TMEM132D: variants seen among roughly 807,000 people sequenced by gnomAD.
TMEM132D encodes the protein mature OL transmembrane protein.
TMEM132D carries 21 observed loss-of-function variants against 62.3 expected under a neutral mutation model. That is an observed-to-expected ratio of 0.34 (90% CI 0.24 to 0.49). The LOEUF (loss-of-function observed/expected upper bound fraction) is 0.49, where lower values mean the gene tolerates loss of function less well. Ranked by LOEUF, TMEM132D falls within the 20% of genes least tolerant of loss-of-function variation. The pLI, the probability that TMEM132D is intolerant of heterozygous loss-of-function variation, is 0.99. For synonymous variants in TMEM132D, 621 were observed against 575.6 expected (o/e 1.08, Z -1.13); for missense variants, 1,346 against 1,402.8 (o/e 0.96, Z 0.65).
At chr12:129,562,872 C>G (rs1244180332) in intron 2 of TMEM132D, among the ~76,000 whole-genome samples, 3 of 152,200 alleles carry the variant, frequency 2.0e-5, no homozygotes, top group African/African-American at 4.8e-5. Context: ...CTTGGGAAGA[C>G]TTCTCTGATT....
intron 2 of TMEM132D, among the ~76,000 whole-genome samples, chr12:129,684,691 A>G (rs1209427207): frequency 6.6e-6 from 1 of 152,048 alleles, no homozygotes; most frequent in Non-Finnish European, 1.5e-5. Flanking sequence ...AAAGAGTTGG[A>G]GGGCTCAGAA....
intron 3 of TMEM132D, among the ~76,000 whole-genome samples, chr12:129,513,851 T>TATTTATTTA (rs1426204608): frequency 1.4e-5 from 2 of 141,726 alleles, no homozygotes; most frequent in African/African-American, 2.6e-5. Context: ...TTTATTTATT[T>TATTTATTTA]TTTTGAGACG....
chr12:129,520,945 A>G (rs1875830318), intron 3 of TMEM132D, among the ~76,000 whole-genome samples: 1 of 152,210 alleles, frequency 6.6e-6, no homozygotes, highest in South Asian at 2.1e-4. Flanking sequence ...ACATTCAGCA[A>G]GTTTCCCAGA....
intron 4 of TMEM132D, among the ~76,000 whole-genome samples, chr12:129,227,292 C>T (rs1409642564): frequency 2.4e-5 from 2 of 84,268 alleles, no homozygotes; most frequent in East Asian, 1.1e-3. Context: ...ATCTGTCCTG[C>T]GTTAGGAAAT....
chr12:129,243,854 T>C (rs1448432905), intron 4 of TMEM132D, among the ~76,000 whole-genome samples: 3 of 152,242 alleles, frequency 2.0e-5, no homozygotes, highest in Non-Finnish European at 4.4e-5. Flanking sequence ...ACACCTTAGA[T>C]AATTACTTCT....
intron 4 of TMEM132D, among the ~76,000 whole-genome samples, chr12:129,304,604 C>A (rs935593418): frequency 6.6e-6 from 1 of 151,266 alleles, no homozygotes; most frequent in South Asian, 2.1e-4. Context: ...CCCATTTATA[C>A]GGCGGCATCT....
At chr12:129,241,111 G>T in intron 4 of TMEM132D, among the ~76,000 whole-genome samples, 1 of 138,110 alleles carries the variant, frequency 7.2e-6, no homozygotes, top group African/African-American at 2.8e-5. Flanking sequence ...TTATACTCCA[G>T]CCAGGAAAGG....
At chr12:129,159,225 GATAA>G (rs1877329772) in intron 5 of TMEM132D, among the ~76,000 whole-genome samples, 1 of 152,162 alleles carries the variant, frequency 6.6e-6, no homozygotes, top group Non-Finnish European at 1.5e-5. Context: ...TTAATTCAGT[GATAA>G]ATAGAGTGCA....
At chr12:129,545,688 C>T (rs1876713037) in intron 2 of TMEM132D, among the ~76,000 whole-genome samples, 1 of 152,180 alleles carries the variant, frequency 6.6e-6, no homozygotes, top group Admixed American at 6.5e-5. Context: ...TTTTCTGACA[C>T]CATCAGCTGA....
chr12:129,476,079 G>A (rs1874248007), intron 3 of TMEM132D, among the ~76,000 whole-genome samples: 1 of 152,296 alleles, frequency 6.6e-6, no homozygotes, highest in African/African-American at 2.4e-5. Context: ...TGTTGAATGG[G>A]ACTGTCCTCC....
At chr12:129,550,115 A>G (rs1876853402) in intron 2 of TMEM132D, among the ~76,000 whole-genome samples, 1 of 152,348 alleles carries the variant, frequency 6.6e-6, no homozygotes, top group African/African-American at 2.4e-5. Flanking sequence ...CCTGGTTGTC[A>G]TGAGAAAGAT....
Position 129,610,508 on chromosome 12 carries a change from A to G in TMEM132D, c.969-79303T>C, listed in dbSNP as rs1878743997. 2.0e-5 allele frequency among the ~76,000 whole-genome samples: 3 copies of G among 152,160 alleles called. No individual in the cohort carries two copies. In the South Asian group the frequency reaches 6.2e-4, roughly 31 times the overall value. On this transcript the variant is annotated intron_variant, in intron 2 of 8. Coordinates refer to ENST00000422113, the MANE Select transcript of TMEM132D (RefSeq NM_133448.3). The stretch of plus-strand genomic sequence containing the variant: ...GATCACCTACTTCCATAAAGCATTA[A>G]AACAACTCAAAATACTGGAGTTTCT...
At chr12:129,159,496 C>A (rs1489418945) in intron 5 of TMEM132D, among the ~76,000 whole-genome samples, 1 of 152,172 alleles carries the variant, frequency 6.6e-6, no homozygotes, top group Non-Finnish European at 1.5e-5. Flanking sequence ...GGCACTCACA[C>A]CTGTAATCTC....
At chr12:129,392,951 T>C (rs1263253748) in intron 3 of TMEM132D, among the ~76,000 whole-genome samples, 1 of 152,230 alleles carries the variant, frequency 6.6e-6, no homozygotes, top group Admixed American at 6.5e-5. Flanking sequence ...TTGGAGGGTA[T>C]GCATCCCACC....
intron 3 of TMEM132D, among the ~76,000 whole-genome samples, chr12:129,456,820 G>A (rs1291633903): frequency 3.9e-5 from 6 of 152,180 alleles, no homozygotes; most frequent in Non-Finnish European, 8.8e-5. Context: ...TTCAGCCAGA[G>A]GAAAATACTA....
At chr12:129,594,022 G>A (rs1220946094) in intron 2 of TMEM132D, among the ~76,000 whole-genome samples, 2 of 152,056 alleles carry the variant, frequency 1.3e-5, no homozygotes, top group Non-Finnish European at 2.9e-5. Context: ...GATTTCCAAG[G>A]CATGCCAACA....
intron 5 of TMEM132D, among the ~76,000 whole-genome samples, chr12:129,120,722 A>T (rs147654824): frequency 1.1e-4 from 17 of 152,344 alleles, no homozygotes; most frequent in Admixed American, 7.2e-4. Context: ...TAACAATTGC[A>T]TGATTGTTAC....
chr12:129,316,630 G>C (rs537707886), intron 4 of TMEM132D, among the ~76,000 whole-genome samples: 66 of 152,188 alleles, frequency 4.3e-4, no homozygotes, highest in Non-Finnish European at 8.1e-4. Context: ...GCGGTTGTTG[G>C]GTGAGATGTT....
At chr12:129,499,878 C>A (rs1418138259) in intron 3 of TMEM132D, among the ~76,000 whole-genome samples, 5 of 152,106 alleles carry the variant, frequency 3.3e-5, no homozygotes, top group Admixed American at 3.3e-4. Context: ...ATACTCTGAG[C>A]AGGGAGGCAA....
Sources: allele counts gnomAD v4.1 joint callset (sites outside exome capture counted in the v4.1 genomes callset), GRCh38; gene constraint gnomAD v4.1.1; transcripts MANE v1.5; gene names NCBI Gene and HGNC (gene_info 2026-07-23, HGNC 2026-07-21).